The following EPHB6 variants were observed in gnomAD, a reference collection of about 807,000 sequenced individuals.
EPHB6 encodes the protein EPH receptor B6, also known as ephrin type-B receptor 6.
In EPHB6, 51 loss-of-function variants were observed where a neutral mutation model predicts 107.0. That is an observed-to-expected ratio of 0.48 (90% CI 0.38 to 0.60). EPHB6 has a LOEUF of 0.60. Ranked by LOEUF, EPHB6 falls within the 20% of genes least tolerant of loss-of-function variation. EPHB6 has a pLI of 0.00. For synonymous variants in EPHB6, 553 were observed against 549.0 expected, an observed-to-expected ratio of 1.01 and a Z score of -0.10; for missense variants, 1,141 against 1,355.5, an observed-to-expected ratio of 0.84 and a Z score of 2.48.
chr7:142,864,505 C>G lies in EPHB6; in HGVS notation c.705C>G (p.Ala235=), dbSNP rs148221019. The change falls in exon 7 of 20, where the codon GCC becomes GCG. Residue 235 remains alanine (A), a synonymous_variant. Coordinates refer to ENST00000652003, the MANE Select transcript of EPHB6 (RefSeq NM_004445.6). ...AVRLFSYTCP[A]VLRSFASFPE... ...GGCTCTTCTCCTACACCTGCCCTGC[C>G]GTGCTCCGATCCTTTGCTTCCTTTC... is the stretch of plus-strand genomic sequence containing the variant. 1.9e-6 allele frequency: 3 copies of G among 1,613,350 alleles called. No homozygotes were observed. The highest frequency in any genetic ancestry group is 2.7e-5 in the African/African-American group (2 of 74,934).
chr7:142,866,710 C>A lies in EPHB6; in HGVS notation c.1587+105C>A. 6.2e-7 allele frequency: 1 copy of A among 1,601,562 alleles called. No homozygotes were observed. Among genetic ancestry groups the A allele is most frequent in the Non-Finnish European group, 8.5e-7 (1 of 1,172,884 alleles). ...GTGCACAGGAGGAATGAGGGGTCCG[C>A]AACAGGGCTGGCAGGAGCTCACAGT... On this transcript the variant is annotated intron_variant, in intron 10 of 19. Transcript: ENST00000652003. This position sits in a 1 kb window ranked among gnomAD's most constrained non-coding sequence, Gnocchi z 5.2.
chr7:142,863,562 G>A (rs1802953107), intron 5 of EPHB6, 69 bp from the exon 6 acceptor site: 2 of 1,558,938 alleles, frequency 1.3e-6, no homozygotes, highest in Non-Finnish European at 1.8e-6. Flanking sequence ...TTCGCGGTGG[G>A]AATAGAGTAG....
chr7:142,869,853 G>A lies in EPHB6; in HGVS notation c.2497G>A (p.Val833Ile), dbSNP rs761273017. 1.9e-6 allele frequency: 3 copies of A among 1,614,210 alleles called. No homozygotes were observed. Among genetic ancestry groups the A allele is most frequent in the South Asian group, 1.1e-5 (1 of 91,086 alleles). The change falls in exon 17 of 20, where the codon GTC (valine) becomes ATC (isoleucine). Residue 833 changes from valine (V) to isoleucine (I), a missense_variant. Val to Ile is a conservative substitution (Grantham distance 29, BLOSUM62 3). Coordinates refer to ENST00000652003, the MANE Select transcript of EPHB6 (RefSeq NM_004445.6). This position sits in a 1 kb window ranked among gnomAD's most constrained non-coding sequence, Gnocchi z 4.5. ...SCLLRWAAPE[V>I]IAHGKHTTSS... ...TTTGCTTCGCTGGGCAGCCCCAGAG[G>A]TCATTGCACATGGAAAGCATACAAC...
rs149721720 is a variant in EPHB6, at chr7:142,867,651, C to T, written c.1794C>T (p.Ile598=). Residue 598 remains isoleucine (I), a synonymous_variant, in exon 12 of 20, where the codon ATC becomes ATT. Coordinates refer to ENST00000652003, the MANE Select transcript of EPHB6 (RefSeq NM_004445.6). The surrounding 1 kb of genome is among the most constrained non-coding windows in gnomAD (Gnocchi z 5.3). ...SQLPERLSLV[I]GSILGALAFL... ...TTCCAGAAAGACTCTCCTTGGTGATCGGCTCCATCCTGGGGGCTTTGGCCT... is the reference window on the plus strand; with the variant it reads ...TTCCAGAAAGACTCTCCTTGGTGATTGGCTCCATCCTGGGGGCTTTGGCCT... 1.4e-4 allele frequency: 218 copies of T among 1,613,584 alleles called. No homozygotes were observed. Among genetic ancestry groups the T allele is most frequent in the Non-Finnish European group, 1.7e-4 (205 of 1,179,936 alleles).
chr7:142,867,877 G>C lies in EPHB6; in HGVS notation c.1866-120G>C. 9 of 1,484,302 alleles carry C rather than the reference G, an allele frequency of 6.1e-6. No individual in the cohort carries two copies. Among genetic ancestry groups the C allele is most frequent in the Non-Finnish European group, 8.3e-6 (9 of 1,088,516 alleles). 91.9% of individuals were successfully genotyped at this position (1,484,302 alleles called of 1,614,324 possible). ...CTGGGCCCCACGTGGAGATGGGCAGGAGGGCCAGGCTGTCGTCCCCCCTCC... is the reference window on the plus strand; with the variant it reads ...CTGGGCCCCACGTGGAGATGGGCAGCAGGGCCAGGCTGTCGTCCCCCCTCC... On this transcript the variant is annotated intron_variant, in intron 12 of 19. Transcript: ENST00000652003. This position sits in a 1 kb window ranked among gnomAD's most constrained non-coding sequence, Gnocchi z 5.3.
intron 1 of EPHB6, among the ~76,000 whole-genome samples, chr7:142,860,100 T>C (rs1320122600): frequency 4.6e-5 from 7 of 152,224 alleles, no homozygotes; most frequent in South Asian, 2.1e-4. Context: ...CTTTTCTATC[T>C]TGCTTGGCTG....
At position 142,866,334 on chromosome 7, in the gene EPHB6, G is replaced by A. The variant is rs1189536856; in HGVS notation, c.1462+18G>A. On this transcript the variant is annotated intron_variant, in intron 9 of 19. Coordinates refer to ENST00000652003, the MANE Select transcript of EPHB6 (RefSeq NM_004445.6). The surrounding 1 kb of genome is among the most constrained non-coding windows in gnomAD (Gnocchi z 5.2). ...CCATGAAGGTGAGCTCTTTTCCTTG[G>A]CCTTCAGGATCCCCTGCCTCCGCTC... 1 of 1,613,360 alleles carries A rather than the reference G, an allele frequency of 6.2e-7. No homozygotes were observed. Among genetic ancestry groups the A allele is most frequent in the Non-Finnish European group, 8.5e-7 (1 of 1,179,860 alleles).
Position 142,867,876 on chromosome 7 carries a change from G to A in EPHB6, c.1866-121G>A. On this transcript the variant is annotated intron_variant, in intron 12 of 19. Coordinates refer to ENST00000652003, the MANE Select transcript of EPHB6 (RefSeq NM_004445.6). This position sits in a 1 kb window ranked among gnomAD's most constrained non-coding sequence, Gnocchi z 5.3. ...CCTGGGCCCCACGTGGAGATGGGCA[G>A]GAGGGCCAGGCTGTCGTCCCCCCTC... The A allele has an allele frequency of 6.7e-7, 1 of 1,483,114 alleles. No homozygotes were observed. Among genetic ancestry groups the A allele is most frequent in the Non-Finnish European group, 9.2e-7 (1 of 1,087,546 alleles). The allele number at this position is 1,483,114 out of a possible 1,614,324, so 91.9% of individuals were successfully genotyped here.
intron 4 of EPHB6, 131 bp from the exon 5 acceptor site, chr7:142,862,996 T>C: frequency 1.8e-6 from 1 of 569,930 alleles, no homozygotes; most frequent in South Asian, 2.3e-5. Flanking sequence ...TTCTGTCCCA[T>C]GGTGGGTGCT....
In EPHB6 at chr7:142,855,238, C is replaced by T. The variant is rs921193594; in HGVS notation, c.-579C>T. 6.6e-6 allele frequency: 1 copy of T among 152,144 alleles called. No individual in the cohort carries two copies. The highest frequency in any genetic ancestry group is 1.5e-5 in the Non-Finnish European group (1 of 68,056). The allele number at this position is 152,144 out of a possible 1,614,324, so 9.4% of individuals were successfully genotyped here. ...CAGGTCCACCCCGGAATCCCAGGGACTCTCGGCGCCGAACGGACCCGGGCC... is the reference window on the plus strand; with the variant it reads ...CAGGTCCACCCCGGAATCCCAGGGATTCTCGGCGCCGAACGGACCCGGGCC... On this transcript the variant is annotated 5_prime_UTR_variant, in exon 1 of 20. Coordinates refer to ENST00000652003, the MANE Select transcript of EPHB6 (RefSeq NM_004445.6). This position sits in a 1 kb window ranked among gnomAD's most constrained non-coding sequence, Gnocchi z 4.2.
intron 1 of EPHB6, among the ~76,000 whole-genome samples, chr7:142,858,261 ATTAT>A (rs1355994069): frequency 6.6e-6 from 1 of 152,112 alleles, no homozygotes; most frequent in African/African-American, 2.4e-5. Context: ...TTTGGCTTAC[ATTAT>A]TTAATCTTTA....
At position 142,867,644 on chromosome 7, in the gene EPHB6, T is replaced by C. The variant is rs1254352353; in HGVS notation, c.1787T>C (p.Leu596Ser). ...TCCCAGCTTCCAGAAAGACTCTCCTTGGTGATCGGCTCCATCCTGGGGGCT... is the reference window on the plus strand; with the variant it reads ...TCCCAGCTTCCAGAAAGACTCTCCTCGGTGATCGGCTCCATCCTGGGGGCT... Reference protein sequence around the residue: ...LSSQLPERLSLVIGSILGALA... With the variant: ...LSSQLPERLSSVIGSILGALA... The change falls in exon 12 of 20, where the codon TTG becomes TCG. Residue 596 changes from leucine to serine, a missense_variant. Physicochemically the swap from Leu to Ser is moderately radical, Grantham distance 145. This residue lies in a region of EPHB6 where 616 missense variants were observed against 759.3 expected (regional missense o/e 0.81). Coordinates refer to ENST00000652003, the MANE Select transcript of EPHB6 (RefSeq NM_004445.6). The surrounding 1 kb of genome is among the most constrained non-coding windows in gnomAD (Gnocchi z 5.3). 1.2e-6 allele frequency: 2 copies of C among 1,613,610 alleles called. No homozygotes were observed. Among genetic ancestry groups the C allele is most frequent in the Non-Finnish European group, 1.7e-6 (2 of 1,179,944 alleles).
In EPHB6 at chr7:142,866,060, G is replaced by A. The variant is rs777874603; in HGVS notation, c.1206G>A (p.Leu402=). The change falls in exon 9 of 20, where the codon CTG becomes CTA. Residue 402 remains leucine (L), a synonymous_variant. Transcript: ENST00000652003. This position sits in a 1 kb window ranked among gnomAD's most constrained non-coding sequence, Gnocchi z 5.2. ...LPRELGGRGD[L]LFNVVCKECE... ...GGGAGCTGGGGGGTCGAGGGGACCTGCTCTTCAATGTCGTGTGCAAGGAGT... is the reference window on the plus strand; with the variant it reads ...GGGAGCTGGGGGGTCGAGGGGACCTACTCTTCAATGTCGTGTGCAAGGAGT... 18 of 1,611,640 alleles carry A rather than the reference G, an allele frequency of 1.1e-5. No individual in the cohort carries two copies. The highest frequency in any genetic ancestry group is 5.1e-6 in the Non-Finnish European group (6 of 1,178,882).
In EPHB6 at chr7:142,864,054, G is replaced by C; in HGVS notation, c.254G>C (p.Gly85Ala). ...GTGGCAGGGGCCCCTCCAGGCACCG[G>C]GCAGGACAATTGGTTGCAGACACAC... ...CHVAGAPPGT[G>A]QDNWLQTHFV... Residue 85 changes from glycine (G) to alanine (A), a missense_variant, in exon 7 of 20, where the codon GGG (glycine) becomes GCG (alanine). Transcript: ENST00000652003. 1 of 1,614,134 alleles carries C rather than the reference G, an allele frequency of 6.2e-7. No individual in the cohort carries two copies.
chr7:142,867,213 A>C lies in EPHB6; in HGVS notation c.1750+145A>C, dbSNP rs530074372. 1.7e-5 allele frequency: 18 copies of C among 1,040,086 alleles called. No individual in the cohort carries two copies. The South Asian group carries it at 2.9e-4, about 17-fold the overall frequency. The allele number at this position is 1,040,086 out of a possible 1,614,324, so 64.4% of individuals were successfully genotyped here. The stretch of plus-strand genomic sequence containing the variant: ...GAAAGGAGAGTGCCTTTTGCTCAGC[A>C]GCTGACCTAGGGGCTACTCGGGGAG... On this transcript the variant is annotated intron_variant, in intron 11 of 19. Coordinates refer to ENST00000652003, the MANE Select transcript of EPHB6 (RefSeq NM_004445.6). This position sits in a 1 kb window ranked among gnomAD's most constrained non-coding sequence, Gnocchi z 5.3.
chr7:142,866,862 G>C lies in EPHB6; in HGVS notation c.1588-44G>C. 1 of 1,613,888 alleles carries C rather than the reference G, an allele frequency of 6.2e-7. No individual in the cohort carries two copies. The highest frequency in any genetic ancestry group is 8.5e-7 in the Non-Finnish European group (1 of 1,179,900). On this transcript the variant is annotated intron_variant, in intron 10 of 19. Coordinates refer to ENST00000652003, the MANE Select transcript of EPHB6 (RefSeq NM_004445.6). This position sits in a 1 kb window ranked among gnomAD's most constrained non-coding sequence, Gnocchi z 5.2. ...TGGGGGCCTTAGGGGCAGAAGCAGG[G>C]GCAAGAGGGGGCCAGGCAGGGAGTG... is the stretch of plus-strand genomic sequence containing the variant.
chr7:142,867,870 T>C lies in EPHB6; in HGVS notation c.1866-127T>C. 6.8e-7 allele frequency: 1 copy of C among 1,465,802 alleles called. No homozygotes were observed. Among genetic ancestry groups the C allele is most frequent in the Non-Finnish European group, 9.3e-7 (1 of 1,071,602 alleles). The allele number at this position is 1,465,802 out of a possible 1,614,324, so 90.8% of individuals were successfully genotyped here. Reference sequence around the variant, plus strand: ...CCCTGCCCTGGGCCCCACGTGGAGATGGGCAGGAGGGCCAGGCTGTCGTCC... The same window carrying C: ...CCCTGCCCTGGGCCCCACGTGGAGACGGGCAGGAGGGCCAGGCTGTCGTCC... On this transcript the variant is annotated intron_variant, in intron 12 of 19. Transcript: ENST00000652003. The surrounding 1 kb of genome is among the most constrained non-coding windows in gnomAD (Gnocchi z 5.3).
Position 142,865,776 on chromosome 7 carries a change from C to A in EPHB6, c.1105+146C>A, listed in dbSNP as rs150739362. The A allele has an allele frequency of 2.1e-4, 255 of 1,199,192 alleles. 2 individuals carry two copies. Among genetic ancestry groups the A allele is most frequent in the Non-Finnish European group, 2.6e-4 (222 of 841,862 alleles). The allele number at this position is 1,199,192 out of a possible 1,614,324, so 74.3% of individuals were successfully genotyped here. On this transcript the variant is annotated intron_variant, in intron 8 of 19. Transcript: ENST00000652003. ...TGGCTTCCTCCCCTCCCTGTCCCCA[C>A]CCCCTTCTCTCCCTGACCCATCCTT...
rs767628990 is a variant in EPHB6, at chr7:142,864,450, C to T, written c.650C>T (p.Thr217Met). The T allele has an allele frequency of 7.4e-6, 12 of 1,612,294 alleles. No homozygotes were observed. The highest frequency in any genetic ancestry group is 6.7e-5 in the Admixed American group (4 of 59,970). ...QRGFYVAFQD[T>M]GACLALVAVR... The stretch of plus-strand genomic sequence containing the variant: ...GGCTTCTACGTGGCCTTCCAGGACA[C>T]GGGGGCCTGCCTGGCCCTGGTCGCT... The change falls in exon 7 of 20, where the codon ACG becomes ATG. Residue 217 changes from threonine (T) to methionine (M), a missense_variant. By Grantham distance (81) the Thr-to-Met change is moderately conservative. Coordinates refer to ENST00000652003, the MANE Select transcript of EPHB6 (RefSeq NM_004445.6).
Sources: allele counts gnomAD v4.1 joint callset (sites outside exome capture counted in the v4.1 genomes callset), GRCh38; gene constraint gnomAD v4.1.1; regional missense constraint gnomAD v4.1.1; non-coding constraint Gnocchi (gnomAD v3.1); transcripts MANE v1.5; gene names NCBI Gene and HGNC (gene_info 2026-07-23, HGNC 2026-07-21).